ITPR2: variants seen among roughly 807,000 people sequenced by gnomAD.
The protein encoded by ITPR2 is inositol 1,4,5-trisphosphate-gated calcium channel ITPR2.
In ITPR2, 207 loss-of-function variants were observed where a neutral mutation model predicts 317.1. The observed-to-expected ratio is 0.65, with a 90% CI of 0.58 to 0.73. ITPR2 has a LOEUF of 0.73. Ranked by LOEUF, ITPR2 falls within the 30% of genes least tolerant of loss-of-function variation. The probability of loss-of-function intolerance (pLI) is 0.00; values close to 1 mark genes in which losing one functional copy is unlikely to be tolerated. For missense variants in ITPR2, 2,613 were observed against 3,284.0 expected (o/e 0.80, Z 4.99); for synonymous variants, 1,156 against 1,149.1 (o/e 1.01, Z -0.12).
rs1393146018 is a variant in ITPR2 at position 26,338,492 on chromosome 12, T to C, written c.*905A>G. ...AGTCAAATGGCTTTCACTCCATGTT[T>C]ATAAAAGGCAATGCCACCATCATAA... On this transcript the variant is annotated 3_prime_UTR_variant, in exon 57 of 57. Coordinates refer to ENST00000381340, the MANE Select transcript of ITPR2 (RefSeq NM_002223.4). 6.6e-6 allele frequency: 1 copy of C among 152,656 alleles called. No individual in the cohort carries two copies. The highest frequency in any genetic ancestry group is 1.5e-5 in the Non-Finnish European group (1 of 68,042). 9.5% of individuals were successfully genotyped at this position (152,656 alleles called of 1,614,324 possible).
intron 1 of ITPR2, among the ~76,000 whole-genome samples, chr12:26,819,149 T>G (rs1950902107): frequency 6.6e-6 from 1 of 152,208 alleles, no homozygotes; most frequent in South Asian, 2.1e-4. Context: ...ATTTTGTAAT[T>G]TGTACATATC....
intron 1 of ITPR2, among the ~76,000 whole-genome samples, chr12:26,826,872 G>C (rs1458278402): frequency 6.6e-6 from 1 of 152,110 alleles, no homozygotes; most frequent in Non-Finnish European, 1.5e-5. Context: ...CAAGAATTCT[G>C]CTATGCTCAG....
In ITPR2 at chr12:26,639,037, T is replaced by C. The variant is rs116497178; in HGVS notation, c.2741-6978A>G. On this transcript the variant is annotated intron_variant, in intron 21 of 56. Transcript: ENST00000381340. ...AAAAGGGTTCAGAATGAGGCGAATGTAGCCATCTTTGCTTCTGTGCCAGTC... is the reference window on the plus strand; with the variant it reads ...AAAAGGGTTCAGAATGAGGCGAATGCAGCCATCTTTGCTTCTGTGCCAGTC... Among the ~76,000 whole-genome samples the C allele has an allele frequency of 5.7e-3, 867 of 152,342 alleles. 7 individuals carry two copies. The highest frequency in any genetic ancestry group is 0.019 in the African/African-American group (788 of 41,584).
intron 15 of ITPR2, 77 bp from the exon 16 acceptor site, chr12:26,659,362 T>C: frequency 8.0e-7 from 1 of 1,244,704 alleles, no homozygotes; most frequent in Non-Finnish European, 1.1e-6. Context: ...TCAACAACAT[T>C]GATTAATTTA....
At position 26,802,885 on chromosome 12, in the gene ITPR2, T is replaced by C. The variant is rs377425987; in HGVS notation, c.93-12658A>G. On this transcript the variant is annotated intron_variant, in intron 1 of 56. Coordinates refer to ENST00000381340, the MANE Select transcript of ITPR2 (RefSeq NM_002223.4). ...CTGCTTAATTACTGAAAGGGCAAAC[T>C]GACAAAATTTGTAAGGATATAAGTT... Among the ~76,000 whole-genome samples the C allele has an allele frequency of 1.6e-4, 25 of 152,242 alleles. No homozygotes were observed. The East Asian group carries it at 4.6e-3, about 28-fold the overall frequency.
At chr12:26,349,880 G>A (rs1219695570) in intron 55 of ITPR2, among the ~76,000 whole-genome samples, 1 of 152,254 alleles carries the variant, frequency 6.6e-6, no homozygotes, top group Non-Finnish European at 1.5e-5. Context: ...CCATGAAGGA[G>A]GAGAGTTCTG....
At chr12:26,427,599 T>C (rs978823091) in intron 49 of ITPR2, among the ~76,000 whole-genome samples, 1 of 152,186 alleles carries the variant, frequency 6.6e-6, no homozygotes, top group Admixed American at 6.5e-5. Flanking sequence ...ATATTAACAA[T>C]GGCTCAGTCA....
rs556129431 is a variant in ITPR2, at chr12:26,603,894, T to A, written c.3463-1188A>T. ...GCAATCAGAGTGGGGTCTGATGGCC[T>A]CCCTTATTTACGATCTATTCAAAAT... On this transcript the variant is annotated intron_variant, in intron 26 of 56. Transcript: ENST00000381340. 9.2e-5 allele frequency among the ~76,000 whole-genome samples: 14 copies of A among 152,258 alleles called. No individual in the cohort carries two copies. The South Asian group carries it at 2.9e-3, about 32-fold the overall frequency.
At chr12:26,759,225 T>C (rs545499798) in intron 2 of ITPR2, among the ~76,000 whole-genome samples, 7 of 152,270 alleles carry the variant, frequency 4.6e-5, no homozygotes, top group Non-Finnish European at 1.0e-4. Flanking sequence ...AGGAAGAATT[T>C]CTTTTAGTAA....
chr12:26,412,137 G>C (rs1037285943), intron 51 of ITPR2, among the ~76,000 whole-genome samples: 10 of 152,216 alleles, frequency 6.6e-5, no homozygotes, highest in African/African-American at 2.2e-4. Context: ...AAGTCTTCAT[G>C]ATGGAGAGAC....
chr12:26,518,460 A>G (rs1168846149), intron 37 of ITPR2, among the ~76,000 whole-genome samples: 1 of 151,454 alleles, frequency 6.6e-6, no homozygotes, highest in Non-Finnish European at 1.5e-5. Context: ...TATACATCAA[A>G]CCCCTGTGAC....
intron 21 of ITPR2, among the ~76,000 whole-genome samples, chr12:26,635,677 G>A (rs1248455225): frequency 2.0e-5 from 3 of 152,166 alleles, no homozygotes; most frequent in African/African-American, 4.8e-5. Flanking sequence ...ATCTGAAACC[G>A]AATGATGTTC....
intron 32 of ITPR2, among the ~76,000 whole-genome samples, chr12:26,594,991 C>G (rs1337467320): frequency 6.6e-6 from 1 of 152,186 alleles, no homozygotes; most frequent in Non-Finnish European, 1.5e-5. Context: ...TACTGGAGTA[C>G]ACTTCCAAAG....
chr12:26,512,629 A>G (rs1943383184), intron 37 of ITPR2, among the ~76,000 whole-genome samples: 1 of 152,124 alleles, frequency 6.6e-6, no homozygotes, highest in Non-Finnish European at 1.5e-5. Context: ...ATATTGATTG[A>G]TGTCTCATGT....
chr12:26,687,671 G>A (rs1353276947), intron 10 of ITPR2, among the ~76,000 whole-genome samples: 2 of 152,066 alleles, frequency 1.3e-5, no homozygotes, highest in Non-Finnish European at 2.9e-5. Context: ...TTGCTTTTTG[G>A]CCTCTTCTGT....
intron 10 of ITPR2, among the ~76,000 whole-genome samples, chr12:26,688,813 C>A (rs907261675): frequency 2.6e-5 from 4 of 152,042 alleles, no homozygotes; most frequent in African/African-American, 9.7e-5. Context: ...GTCTTGGGAC[C>A]CACTTTCACG....
At chr12:26,594,170 T>C (rs1292649046) in intron 32 of ITPR2, among the ~76,000 whole-genome samples, 1 of 152,172 alleles carries the variant, frequency 6.6e-6, no homozygotes, top group Non-Finnish European at 1.5e-5. Context: ...CAGGTGCATA[T>C]TTACCTGAGA....
chr12:26,394,664 G>A (rs1939941972), intron 54 of ITPR2, among the ~76,000 whole-genome samples: 1 of 152,172 alleles, frequency 6.6e-6, no homozygotes, highest in Non-Finnish European at 1.5e-5. Flanking sequence ...CAGAGTTATA[G>A]ACTGTGCAAT....
chr12:26,795,491 C>T (rs986124969), intron 1 of ITPR2, among the ~76,000 whole-genome samples: 8 of 151,796 alleles, frequency 5.3e-5, no homozygotes, highest in African/African-American at 1.2e-4. Context: ...CGTAAAAGAC[C>T]GATAAGTTTG....
Sources: allele counts gnomAD v4.1 joint callset (sites outside exome capture counted in the v4.1 genomes callset), GRCh38; gene constraint gnomAD v4.1.1; transcripts MANE v1.5; gene names NCBI Gene and HGNC (gene_info 2026-07-23, HGNC 2026-07-21).